The following PICALM variants were observed in gnomAD, a reference collection of about 807,000 sequenced individuals.
PICALM encodes the protein phosphatidylinositol-binding clathrin assembly protein.
In PICALM, 40 loss-of-function variants were observed where a neutral mutation model predicts 80.5. The observed-to-expected ratio is 0.50, with a 90% CI of 0.39 to 0.65. The LOEUF is 0.65. Ranked by LOEUF, PICALM falls within the 30% of genes least tolerant of loss-of-function variation. The probability of loss-of-function intolerance (pLI) is 0.00; values close to 1 mark genes in which losing one functional copy is unlikely to be tolerated. For synonymous variants in PICALM, 288 were observed against 260.3 expected, an observed-to-expected ratio of 1.11 and a Z score of -1.02; for missense variants, 676 against 778.9, an observed-to-expected ratio of 0.87 and a Z score of 1.57.
intron 1 of PICALM, among the ~76,000 whole-genome samples, chr11:86,058,105 CTATT>C (rs1346499623): frequency 4.6e-5 from 7 of 152,242 alleles, no homozygotes; most frequent in Non-Finnish European, 7.4e-5. Flanking sequence ...ATACCACCCG[CTATT>C]TATTTTTTGC....
chr11:85,981,634 G>C, intron 16 of PICALM, 111 bp downstream of exon 16: 1 of 703,608 alleles, frequency 1.4e-6, no homozygotes, highest in Non-Finnish European at 2.5e-6. Flanking sequence ...ATGCAGACTT[G>C]ATATCTCTAC....
At chr11:85,991,853 G>GT (rs1429106375) in intron 12 of PICALM, among the ~76,000 whole-genome samples, 1 of 152,042 alleles carries the variant, frequency 6.6e-6, no homozygotes, top group East Asian at 1.9e-4. Context: ...GGCACGGTGG[G>GT]TTTTTTTGTT....
chr11:85,995,042 A>C (rs555070381), intron 12 of PICALM, among the ~76,000 whole-genome samples: 2 of 152,266 alleles, frequency 1.3e-5, no homozygotes, highest in East Asian at 3.9e-4. Context: ...AGTTTAAGTT[A>C]GTTTAGTCTA....
intron 1 of PICALM, among the ~76,000 whole-genome samples, chr11:86,051,798 C>T (rs996729629): frequency 5.3e-4 from 81 of 152,324 alleles, no homozygotes; most frequent in African/African-American, 1.9e-3. Context: ...AGCTAAGAAG[C>T]TCCCCTTCAG....
At chr11:86,062,536 A>C (rs780848997) in intron 1 of PICALM, among the ~76,000 whole-genome samples, 2 of 151,896 alleles carry the variant, frequency 1.3e-5, no homozygotes, top group Admixed American at 1.3e-4. Flanking sequence ...AAAAAACCCT[A>C]ATGTAAACCA....
chr11:86,064,647 A>AT (rs1165960274), intron 1 of PICALM, among the ~76,000 whole-genome samples: 1,456 of 135,092 alleles, frequency 0.011, 25 homozygotes, highest in African/African-American at 0.036. Flanking sequence ...GACCCACCTC[A>AT]TTTTAAAAAA....
chr11:85,957,508 CA>C lies in PICALM; in HGVS notation c.*1537del, dbSNP rs1429547069. 6.6e-6 allele frequency among the ~76,000 whole-genome samples: 1 copy of C among 152,000 alleles called. No homozygotes were observed. The highest frequency in any genetic ancestry group is 1.5e-5 in the Non-Finnish European group (1 of 67,980). On this transcript the variant is annotated 3_prime_UTR_variant, in exon 20 of 20. Coordinates refer to ENST00000393346, the MANE Select transcript of PICALM (RefSeq NM_007166.4). ...TTATCAATAAGAGTCTACAAGGTAACAAAAAGTGTAAAGAGACATCTTTTTG... is the reference window on the plus strand; with the variant it reads ...TTATCAATAAGAGTCTACAAGGTAACAAAAGTGTAAAGAGACATCTTTTTG...
rs180973501 is a variant in PICALM at position 85,971,828 on chromosome 11, C to T, written c.1944+2880G>A. 1.3e-3 allele frequency among the ~76,000 whole-genome samples: 200 copies of T among 152,188 alleles called. 2 individuals are homozygous for T. The highest frequency in any genetic ancestry group is 4.7e-3 in the African/African-American group (194 of 41,534). ...ATGGAGTTTAGCTCTTGTCGCCCAGCCTGGAGTGCAATGGCCCAATCCAGG... is the reference window on the plus strand; with the variant it reads ...ATGGAGTTTAGCTCTTGTCGCCCAGTCTGGAGTGCAATGGCCCAATCCAGG... On this transcript the variant is annotated intron_variant, in intron 19 of 19. Transcript: ENST00000393346.
chr11:86,020,460 C>A, intron 4 of PICALM, among the ~76,000 whole-genome samples: 1 of 146,200 alleles, frequency 6.8e-6, no homozygotes, highest in African/African-American at 2.5e-5. Flanking sequence ...AATTGGAAGA[C>A]TCACACGTTC....
chr11:86,040,159 A>C (rs2095932788), intron 1 of PICALM, among the ~76,000 whole-genome samples: 1 of 152,166 alleles, frequency 6.6e-6, no homozygotes, highest in South Asian at 2.1e-4. Flanking sequence ...TTTCTAATGT[A>C]AATTAGAAAG....
chr11:86,059,256 T>TG (rs1299819368), intron 1 of PICALM, among the ~76,000 whole-genome samples: 4 of 152,186 alleles, frequency 2.6e-5, no homozygotes, highest in African/African-American at 7.2e-5. Context: ...TGAGCACCCA[T>TG]GGGGGGTTGC....
intron 12 of PICALM, among the ~76,000 whole-genome samples, chr11:85,993,595 C>T (rs1405845011): frequency 1.3e-5 from 2 of 151,784 alleles, no homozygotes; most frequent in Non-Finnish European, 1.5e-5. Flanking sequence ...CACACCACCA[C>T]ACCCAGCTAA....
At chr11:85,967,531 A>G (rs1467857237) in intron 19 of PICALM, among the ~76,000 whole-genome samples, 1 of 152,216 alleles carries the variant, frequency 6.6e-6, no homozygotes, top group Non-Finnish European at 1.5e-5. Flanking sequence ...GTTTTCACCT[A>G]TGGTACTACA....
chr11:85,972,516 A>C (rs1179564688), intron 19 of PICALM, among the ~76,000 whole-genome samples: 1 of 152,220 alleles, frequency 6.6e-6, no homozygotes, highest in African/African-American at 2.4e-5. Flanking sequence ...GAATCGGCTA[A>C]CACAATGTAT....
intron 8 of PICALM, among the ~76,000 whole-genome samples, chr11:86,004,715 TA>T (rs1345833760): frequency 4.6e-5 from 7 of 152,168 alleles, no homozygotes; most frequent in African/African-American, 1.4e-4. Context: ...ATACAGGATC[TA>T]AAAATAGTTA....
chr11:86,028,799 T>C (rs913444804), intron 2 of PICALM, among the ~76,000 whole-genome samples: 5 of 152,052 alleles, frequency 3.3e-5, no homozygotes, highest in Admixed American at 3.3e-4. Context: ...TAATTCTTTG[T>C]TGTTGGAGAC....
chr11:86,020,216 A>T (rs56389996), intron 4 of PICALM, among the ~76,000 whole-genome samples: 2,104 of 146,948 alleles, frequency 0.014, 28 homozygotes, highest in Middle Eastern at 0.033. Flanking sequence ...ACTGAAAGAA[A>T]TGAAAAAAGA....
intron 3 of PICALM, 24 bp downstream of exon 3, chr11:86,026,268 C>A: frequency 7.6e-7 from 1 of 1,307,738 alleles, no homozygotes; most frequent in South Asian, 1.2e-5. Context: ...TTTTGATTTT[C>A]TATAATGTAA....
chr11:85,967,676 C>T (rs2093948010), intron 19 of PICALM, among the ~76,000 whole-genome samples: 1 of 152,162 alleles, frequency 6.6e-6, no homozygotes, highest in South Asian at 2.1e-4. Context: ...AGAGGAGGTA[C>T]TGCCAATACT....
Sources: gnomAD v4.1 joint callset for allele counts (sites outside exome capture counted in the v4.1 genomes callset) on GRCh38, gnomAD v4.1.1 for gene constraint, MANE v1.5 for transcripts, NCBI Gene and HGNC (gene_info 2026-07-23, HGNC 2026-07-21) for gene names.